The following CERT1 variants were observed in gnomAD, a reference collection of about 807,000 sequenced individuals.
CERT1 encodes ceramide transfer protein.
In CERT1, 31 loss-of-function variants were observed where a neutral mutation model predicts 87.9. The ratio of observed to expected loss-of-function variants is 0.35; its 90% CI spans 0.27 to 0.48. The LOEUF (loss-of-function observed/expected upper bound fraction) is 0.48. Among genes scored for constraint, CERT1 ranks in the 20% least tolerant of loss-of-function variants. The probability of loss-of-function intolerance (pLI) is 0.99; values close to 1 mark genes in which losing one functional copy is unlikely to be tolerated. For missense variants in CERT1, 487 were observed against 758.0 expected, an observed-to-expected ratio of 0.64 and a Z score of 4.20; for synonymous variants, 289 against 250.9, an observed-to-expected ratio of 1.15 and a Z score of -1.44.
At chr5:75,406,391 TAA>T (rs1433420963) in intron 8 of CERT1, among the ~76,000 whole-genome samples, 1 of 152,380 alleles carries the variant, frequency 6.6e-6, no homozygotes, top group East Asian at 1.9e-4. Flanking sequence ...TTCCCTGCAT[TAA>T]AAGTGTTTCA....
intron 2 of CERT1, among the ~76,000 whole-genome samples, chr5:75,470,513 G>A (rs1219362164): frequency 1.3e-5 from 2 of 151,966 alleles, no homozygotes; most frequent in Admixed American, 6.6e-5. Context: ...CAGAATTGAT[G>A]GACAAAAACC....
chr5:75,446,534 G>GA (rs1362291659), intron 3 of CERT1, among the ~76,000 whole-genome samples: 1 of 151,956 alleles, frequency 6.6e-6, no homozygotes, highest in African/African-American at 2.4e-5. Flanking sequence ...TTTTTCCCTT[G>GA]AAAAAGCCAC....
chr5:75,443,050 A>G (rs1164959589), intron 3 of CERT1, among the ~76,000 whole-genome samples: 1 of 152,174 alleles, frequency 6.6e-6, no homozygotes, highest in Non-Finnish European at 1.5e-5. Flanking sequence ...TGAATAAGGT[A>G]GGACTGCTAT....
chr5:75,511,616 C>T lies in CERT1; in HGVS notation c.-409G>A. The T allele has an allele frequency of 2.7e-6, 4 of 1,475,342 alleles. No individual in the cohort carries two copies. The highest frequency in any genetic ancestry group is 2.7e-6 in the Non-Finnish European group (3 of 1,111,754). 91.4% of individuals were successfully genotyped at this position (1,475,342 alleles called of 1,614,324 possible). A position where few individuals can be genotyped will look rare whatever the true frequency, so the allele number is the denominator to read the frequency against. On this transcript the variant is annotated 5_prime_UTR_variant, in exon 1 of 17. Coordinates refer to ENST00000643780, the MANE Select transcript of CERT1 (RefSeq NM_001379029.1). ...TCCGCTACCGCCGCCATCTTCCTGC[C>T]TGGCCCACTATTTACCCTCCCCTCC...
Position 75,506,065 on chromosome 5 carries a change from T to C in CERT1, c.148A>G (p.Asn50Asp). Reference sequence around the variant, plus strand: ...TCAGATTTGTAGTAACTCAGAGCATTATTTTTCAAAACTACCCAACGATCC... The same window carrying C: ...TCAGATTTGTAGTAACTCAGAGCATCATTTTTCAAAACTACCCAACGATCC... ...WQDRWVVLKN[N>D]ALSYYKSEDE... The change falls in exon 2 of 17, where the codon AAT (asparagine) becomes GAT (aspartate). Residue 50 changes from asparagine (N) to aspartate (D), a missense_variant. Physicochemically the swap from Asn to Asp is conservative, Grantham distance 23 (BLOSUM62 1). Transcript: ENST00000643780. 3.1e-6 allele frequency: 5 copies of C among 1,613,148 alleles called. No individual in the cohort carries two copies. The highest frequency in any genetic ancestry group is 4.2e-6 in the Non-Finnish European group (5 of 1,179,214).
chr5:75,492,966 G>A (rs775788752), intron 2 of CERT1, among the ~76,000 whole-genome samples: 16 of 152,192 alleles, frequency 1.1e-4, no homozygotes, highest in Non-Finnish European at 2.1e-4. Context: ...GTCTGGGGCA[G>A]GCCTGAGAAT....
At chr5:75,471,440 T>C (rs1765701710) in intron 2 of CERT1, among the ~76,000 whole-genome samples, 1 of 152,154 alleles carries the variant, frequency 6.6e-6, no homozygotes, top group South Asian at 2.1e-4. Flanking sequence ...TCAGCCCCAT[T>C]ATGACCTTAT....
intron 2 of CERT1, among the ~76,000 whole-genome samples, chr5:75,488,559 C>T (rs1766633167): frequency 6.6e-6 from 1 of 152,038 alleles, no homozygotes; most frequent in Non-Finnish European, 1.5e-5. Context: ...CAAAGTTGTA[C>T]ATAGCTTATT....
intron 2 of CERT1, among the ~76,000 whole-genome samples, chr5:75,484,419 T>C (rs1561295573): frequency 1.3e-5 from 2 of 149,662 alleles, no homozygotes; most frequent in East Asian, 2.0e-4. Context: ...TGAATGTATA[T>C]GGACTAAACT....
intron 11 of CERT1, among the ~76,000 whole-genome samples, chr5:75,393,775 C>G (rs2112051804): frequency 6.6e-6 from 1 of 151,178 alleles, no homozygotes; most frequent in East Asian, 2.0e-4. Context: ...ACCATCCCGG[C>G]TAACACGGTG....
At chr5:75,454,104 T>C (rs1014528816) in intron 3 of CERT1, among the ~76,000 whole-genome samples, 3 of 152,336 alleles carry the variant, frequency 2.0e-5, no homozygotes, top group Middle Eastern at 3.4e-3. Flanking sequence ...GCTGGAATTA[T>C]GGGTGCCCAG....
chr5:75,427,735 G>C (rs1401970824), intron 3 of CERT1, among the ~76,000 whole-genome samples: 1 of 152,086 alleles, frequency 6.6e-6, no homozygotes, highest in Admixed American at 6.5e-5. Flanking sequence ...TATGGTTCTA[G>C]GTAAGTATTT....
At chr5:75,439,810 T>C (rs531822759) in intron 3 of CERT1, among the ~76,000 whole-genome samples, 1 of 152,198 alleles carries the variant, frequency 6.6e-6, no homozygotes, top group African/African-American at 2.4e-5. Context: ...GGAACAATTT[T>C]AGCTTGTCCA....
chr5:75,410,915 TAGAATATTTAAAGGTTACA>T, intron 8 of CERT1, 77 bp downstream of exon 8: 1 of 578,160 alleles, frequency 1.7e-6, no homozygotes, highest in Non-Finnish European at 2.9e-6. Context: ...ATTATATATT[TAGAATATTTAAAGGTTACA>T]AGAGTATTAT....
At chr5:75,389,522 T>C in intron 12 of CERT1, 70 bp downstream of exon 12, 1 of 1,141,486 alleles carries the variant, frequency 8.8e-7, no homozygotes. Flanking sequence ...CTTATTCATA[T>C]CAATAGTAAT....
intron 3 of CERT1, among the ~76,000 whole-genome samples, chr5:75,449,478 C>T (rs1179629896): frequency 6.6e-6 from 1 of 152,152 alleles, no homozygotes; most frequent in Non-Finnish European, 1.5e-5. Context: ...ATAGGTTGGC[C>T]TCTAGTCCCC....
intron 3 of CERT1, among the ~76,000 whole-genome samples, chr5:75,442,578 G>C (rs763679247): frequency 1.3e-5 from 2 of 152,096 alleles, no homozygotes; most frequent in Non-Finnish European, 2.9e-5. Flanking sequence ...TTTCATCTAG[G>C]TTACCCGATT....
intron 2 of CERT1, among the ~76,000 whole-genome samples, chr5:75,490,898 T>C (rs192703082): frequency 5.9e-5 from 9 of 152,288 alleles, no homozygotes; most frequent in Middle Eastern, 3.4e-3. Flanking sequence ...TACAATTCTT[T>C]TTGCATTTTT....
At chr5:75,380,317 A>AT (rs1761511564) in intron 16 of CERT1, among the ~76,000 whole-genome samples, 2 of 152,194 alleles carry the variant, frequency 1.3e-5, no homozygotes, top group South Asian at 2.1e-4. Context: ...CTGACAATGA[A>AT]TGTCAAAGAG....
Sources: gnomAD v4.1 joint callset for allele counts (sites outside exome capture counted in the v4.1 genomes callset) on GRCh38, gnomAD v4.1.1 for gene constraint, MANE v1.5 for transcripts, NCBI Gene and HGNC (gene_info 2026-07-23, HGNC 2026-07-21) for gene names.